KIAA0319: variants seen among roughly 807,000 people sequenced by gnomAD.
The protein encoded by KIAA0319 is KIAA0319, also known as dyslexia-associated protein KIAA0319.
In KIAA0319, 83 loss-of-function variants were observed where a neutral mutation model predicts 108.4. The observed-to-expected ratio is 0.77, with a 90% confidence interval of 0.64 to 0.92. The LOEUF (loss-of-function observed/expected upper bound fraction) is 0.92. KIAA0319 is among the 40% of genes least tolerant of loss of function. KIAA0319 has a pLI of 0.00. For synonymous variants in KIAA0319, 484 were observed against 510.4 expected (o/e 0.95, Z 0.70); for missense variants, 1,195 against 1,322.4 (o/e 0.90, Z 1.49).
chr6:24,541,225 G>A (rs2817240), downstream of KIAA0319, among the ~76,000 whole-genome samples: 65,683 of 151,980 alleles, frequency 0.43, 14,965 homozygotes, highest in Non-Finnish European at 0.51. Context: ...GGCAGGTTTG[G>A]TTTCTCCTGA....
intron 5 of KIAA0319, chr6:24,582,957 T>A (rs1012233562): frequency 1.4e-5 from 6 of 431,626 alleles, no homozygotes; most frequent in Admixed American, 6.4e-5. Context: ...CCAAATATTA[T>A]CATCTCTGTG....
At chr6:24,549,003 C>T (rs767634690) in intron 20 of KIAA0319, among the ~76,000 whole-genome samples, 1 of 151,926 alleles carries the variant, frequency 6.6e-6, no homozygotes, top group Non-Finnish European at 1.5e-5. Context: ...GGGTGGTGAT[C>T]GAATGGGATT....
chr6:24,560,909 G>T (rs1440440774), intron 16 of KIAA0319, among the ~76,000 whole-genome samples: 1 of 152,246 alleles, frequency 6.6e-6, no homozygotes, highest in Admixed American at 6.5e-5. Flanking sequence ...GTGGGGGGCA[G>T]GGGGTGGATA....
At position 24,574,067 on chromosome 6, in the gene KIAA0319, A is replaced by G. The variant is rs542738346; in HGVS notation, c.1735-1369T>C. ...GGGGTGGAGGTTGCAGTGAGCCAAG[A>G]TGGTGCCACTGCACTCCAGCCTGGG... On this transcript the variant is annotated intron_variant, in intron 10 of 20. Coordinates refer to ENST00000378214, the MANE Select transcript of KIAA0319 (RefSeq NM_014809.4). Among the ~76,000 whole-genome samples, 33 of 152,254 alleles carry G rather than the reference A, an allele frequency of 2.2e-4. No homozygotes were observed. The South Asian group carries it at 5.8e-3, about 27-fold the overall frequency.
chr6:24,624,017 C>CTTTTCTTTTTTTTTT (rs1774342718), intron 1 of KIAA0319, among the ~76,000 whole-genome samples: 1 of 50,540 alleles, frequency 2.0e-5, no homozygotes, highest in Admixed American at 2.3e-4. Context: ...TCTTTGTTTT[C>CTTTTCTTTTTTTTTT]TTTTTTTTTT....
chr6:24,604,102 G>A (rs769021817), intron 1 of KIAA0319, among the ~76,000 whole-genome samples: 1 of 152,184 alleles, frequency 6.6e-6, no homozygotes, highest in Non-Finnish European at 1.5e-5. Flanking sequence ...CAGAACACCT[G>A]CTTTGATAAG....
chr6:24,553,335 A>ACACACACACACACG (rs1215978157), intron 19 of KIAA0319, among the ~76,000 whole-genome samples: 1 of 83,780 alleles, frequency 1.2e-5, no homozygotes, highest in Non-Finnish European at 2.8e-5. Context: ...ACACACACAC[A>ACACACACACACACG]CGCACATATA....
intron 13 of KIAA0319, among the ~76,000 whole-genome samples, chr6:24,567,017 C>T (rs190917426): frequency 5.3e-5 from 8 of 152,230 alleles, no homozygotes; most frequent in Non-Finnish European, 1.0e-4. Context: ...TATTGTTATA[C>T]CTTTTCTGTC....
chr6:24,642,726 T>C (rs1244594024), intron 1 of KIAA0319, among the ~76,000 whole-genome samples: 1 of 142,838 alleles, frequency 7.0e-6, no homozygotes, highest in Non-Finnish European at 1.5e-5. Flanking sequence ...TGCTGCATTT[T>C]TTTTTTTTTT....
chr6:24,596,491 G>A lies in KIAA0319; in HGVS notation c.183C>T (p.Cys61=). ...CCAGGTCACAGCTGGACAGGTCACAGCAAGCGGCCGTGCAGTCTACGACAG... is the reference window on the plus strand; with the variant it reads ...CCAGGTCACAGCTGGACAGGTCACAACAAGCGGCCGTGCAGTCTACGACAG... The part of the protein sequence containing the change: ...TFPVVDCTAA[C]CDLSSCDLAW... Residue 61 remains cysteine (C), a synonymous_variant, in exon 3 of 21, where the codon TGC becomes TGT. Coordinates refer to ENST00000378214, the MANE Select transcript of KIAA0319 (RefSeq NM_014809.4). 1 of 1,614,160 alleles carries A rather than the reference G, an allele frequency of 6.2e-7. No individual in the cohort carries two copies. Among genetic ancestry groups the A allele is most frequent in the East Asian group, 2.2e-5 (1 of 44,874 alleles).
At chr6:24,553,324 C>T (rs1761834823) in intron 19 of KIAA0319, among the ~76,000 whole-genome samples, 2 of 116,248 alleles carry the variant, frequency 1.7e-5, no homozygotes, top group Non-Finnish European at 3.5e-5. Flanking sequence ...CACACACACA[C>T]ACACACACAC....
intron 1 of KIAA0319, among the ~76,000 whole-genome samples, chr6:24,636,511 GCTC>G: frequency 6.6e-6 from 1 of 152,254 alleles, no homozygotes; most frequent in Admixed American, 6.5e-5. Flanking sequence ...TTTTAAAACA[GCTC>G]CTATTAGAGC....
In KIAA0319 at chr6:24,563,458, T is replaced by C. The variant is rs766195443; in HGVS notation, c.2492A>G (p.Glu831Gly). Residue 831 changes from glutamate (E) to glycine (G), a missense_variant, in exon 16 of 21, where the codon GAG (glutamate) becomes GGG (glycine). Physicochemically the swap from Glu to Gly is moderately conservative, Grantham distance 98. Coordinates refer to ENST00000378214, the MANE Select transcript of KIAA0319 (RefSeq NM_014809.4). ...CCTCACAAGGGTGTCCTTCCGCTGC[T>C]CTGTCAGCTGCCCAACACCAACCTG... ...TLQVGVGQLT[E>G]QRKDTLVRQL... 1 of 1,613,478 alleles carries C rather than the reference T, an allele frequency of 6.2e-7. No individual in the cohort carries two copies. The highest frequency in any genetic ancestry group is 1.3e-5 in the African/African-American group (1 of 74,926).
rs754440682 is a variant in KIAA0319, at chr6:24,559,088, G to A, written c.2659C>T (p.Arg887Ter). 23 of 1,613,586 alleles carry A rather than the reference G, an allele frequency of 1.4e-5. No individual in the cohort carries two copies. Among genetic ancestry groups the A allele is most frequent in the East Asian group, 2.2e-5 (1 of 44,880 alleles). The change falls in exon 17 of 21, where the codon CGA becomes TGA. Residue 887 changes from arginine (R) to a stop codon, truncating the protein, a stop_gained. Coordinates refer to ENST00000378214, the MANE Select transcript of KIAA0319 (RefSeq NM_014809.4). LOFTEE classifies it high-confidence loss of function. ...FKVLKAAEVA[R>*]NLHMRLSKEK... ...TTTGAGAGCCGCATGTGCAGATTTCGGGCCACTTCAGCAGCTTTGAGAACC... is the reference window on the plus strand; with the variant it reads ...TTTGAGAGCCGCATGTGCAGATTTCAGGCCACTTCAGCAGCTTTGAGAACC...
At chr6:24,617,041 T>C (rs1189461434) in intron 1 of KIAA0319, among the ~76,000 whole-genome samples, 1 of 152,146 alleles carries the variant, frequency 6.6e-6, no homozygotes, top group Non-Finnish European at 1.5e-5. Flanking sequence ...TAAAGATATT[T>C]AAGCAAATTT....
intron 18 of KIAA0319, among the ~76,000 whole-genome samples, chr6:24,556,123 C>A (rs1463582809): frequency 6.6e-6 from 1 of 152,046 alleles, no homozygotes; most frequent in African/African-American, 2.4e-5. Context: ...GCAGATAGTT[C>A]TCTTTTTCTA....
chr6:24,582,718 G>T (rs1766795046), intron 5 of KIAA0319, among the ~76,000 whole-genome samples: 1 of 150,080 alleles, frequency 6.7e-6, no homozygotes, highest in African/African-American at 2.4e-5. Flanking sequence ...TTTCCTAGGG[G>T]GCTACATCTG....
chr6:24,602,790 G>A (rs2127537904), intron 1 of KIAA0319, among the ~76,000 whole-genome samples: 1 of 151,030 alleles, frequency 6.6e-6, no homozygotes, highest in East Asian at 1.9e-4. Context: ...TACACAGCGA[G>A]ACCCCGTCTC....
intron 14 of KIAA0319, among the ~76,000 whole-genome samples, chr6:24,565,865 C>T (rs565565320): frequency 2.0e-5 from 3 of 152,120 alleles, no homozygotes; most frequent in South Asian, 4.2e-4. Flanking sequence ...AATAGCAATC[C>T]GTGATCTATT....
Sources: gnomAD v4.1 joint callset for allele counts (sites outside exome capture counted in the v4.1 genomes callset) on GRCh38, gnomAD v4.1.1 for gene constraint, MANE v1.5 for transcripts, NCBI Gene and HGNC (gene_info 2026-07-23, HGNC 2026-07-21) for gene names.